Variants in TAFA4 observed in about 807,000 individuals in gnomAD.
TAFA4 encodes the protein chemokine-like protein TAFA-4.
A neutral mutation model predicts 21.1 loss-of-function variants in TAFA4; 20 were observed. The ratio of observed to expected loss-of-function variants is 0.95; its 90% CI spans 0.67 to 1.38. The LOEUF (loss-of-function observed/expected upper bound fraction) is 1.38. TAFA4 is among the 40% of genes most tolerant of loss of function. TAFA4 has a pLI of 0.00. For synonymous variants in TAFA4, 71 were observed against 67.4 expected (o/e 1.05, Z -0.26); for missense variants, 211 against 180.9 (o/e 1.17, Z -0.95).
rs2089659008 is a variant in TAFA4, at chr3:68,885,235, A to G, written c.-47T>C. On this transcript the variant is annotated 5_prime_UTR_variant, in exon 2 of 6. Transcript: ENST00000295569. The stretch of plus-strand genomic sequence containing the variant: ...ACACTTATTCCAGGATATATTTCAG[A>G]GTGACTCCAAATTCCCATCTGTTGC... 2.5e-6 allele frequency: 4 copies of G among 1,588,756 alleles called. No individual in the cohort carries two copies. In the Admixed American group the frequency reaches 6.9e-5, roughly 27 times the overall value.
chr3:68,867,248 A>G (rs1206576566), intron 3 of TAFA4, among the ~76,000 whole-genome samples: 1 of 152,100 alleles, frequency 6.6e-6, no homozygotes, highest in Non-Finnish European at 1.5e-5. Context: ...TCTCAATGGA[A>G]ACCACAGAGG....
At position 68,841,400 on chromosome 3, in the gene TAFA4, G is replaced by A. The variant is rs948767472; in HGVS notation, c.130+39330C>T. On this transcript the variant is annotated intron_variant, in intron 3 of 5. Transcript: ENST00000295569. ...TTTTAATTTGCATTAAGTCCCTGTGGTTTCACAATTGGCTGGCACTGTTCT... is the reference window on the plus strand; with the variant it reads ...TTTTAATTTGCATTAAGTCCCTGTGATTTCACAATTGGCTGGCACTGTTCT... 1.4e-4 allele frequency among the ~76,000 whole-genome samples: 21 copies of A among 151,984 alleles called. 1 individual carries two copies. Among genetic ancestry groups the A allele is most frequent in the Non-Finnish European group, 2.2e-4 (15 of 68,010 alleles).
intron 3 of TAFA4, among the ~76,000 whole-genome samples, chr3:68,794,847 A>G (rs1445424767): frequency 1.3e-5 from 2 of 152,054 alleles, no homozygotes; most frequent in Non-Finnish European, 2.9e-5. Context: ...ATGCAGAGAG[A>G]TAAGTCATAG....
chr3:68,750,098 C>T (rs770532852), intron 4 of TAFA4, among the ~76,000 whole-genome samples: 6 of 152,172 alleles, frequency 3.9e-5, no homozygotes, highest in Non-Finnish European at 5.9e-5. Flanking sequence ...ACCTGAGAGT[C>T]TGTTTGTTTT....
chr3:68,840,984 G>A (rs1704648679), intron 3 of TAFA4, among the ~76,000 whole-genome samples: 1 of 152,112 alleles, frequency 6.6e-6, no homozygotes, highest in African/African-American at 2.4e-5. Context: ...TATAATCTGT[G>A]CAAAAATCTA....
intron 3 of TAFA4, among the ~76,000 whole-genome samples, chr3:68,841,687 C>T (rs970547326): frequency 2.6e-5 from 4 of 152,124 alleles, no homozygotes; most frequent in South Asian, 4.2e-4. Flanking sequence ...CCAATACTAT[C>T]CCTCCCCTAC....
intron 3 of TAFA4, among the ~76,000 whole-genome samples, chr3:68,824,696 T>C (rs1192666110): frequency 6.6e-6 from 1 of 152,178 alleles, no homozygotes; most frequent in Non-Finnish European, 1.5e-5. Flanking sequence ...CAGCTTTATG[T>C]GACACAGAAT....
chr3:68,868,614 G>A (rs1383193563), intron 3 of TAFA4, among the ~76,000 whole-genome samples: 1 of 151,858 alleles, frequency 6.6e-6, no homozygotes. Flanking sequence ...AACTATACAA[G>A]CACATGGAAA....
Position 68,823,033 on chromosome 3 carries a change from C to T in TAFA4, c.130+57697G>A, listed in dbSNP as rs535668781. 9.9e-5 allele frequency among the ~76,000 whole-genome samples: 15 copies of T among 152,190 alleles called. No homozygotes were observed. The South Asian group carries it at 2.9e-3, about 30-fold the overall frequency. The stretch of plus-strand genomic sequence containing the variant: ...CTAACAGTCCTATTGCCCATTCAAC[C>T]CCTAATGATTTATAGAATACCAACC... On this transcript the variant is annotated intron_variant, in intron 3 of 5. Coordinates refer to ENST00000295569, the MANE Select transcript of TAFA4 (RefSeq NM_182522.5).
chr3:68,856,833 G>C lies in TAFA4; in HGVS notation c.130+23897C>G, dbSNP rs142283876. On this transcript the variant is annotated intron_variant, in intron 3 of 5. Transcript: ENST00000295569. ...ACCGCTGGAGCAGCACTGTTGTATG[G>C]AGGGGAAGGATAAAGCTTTGGAAGA... Among the ~76,000 whole-genome samples the C allele has an allele frequency of 3.1e-3, 479 of 152,222 alleles. 2 individuals are homozygous for C. Among genetic ancestry groups the C allele is most frequent in the African/African-American group, 0.011 (459 of 41,540 alleles).
chr3:68,768,729 T>A (rs11717220), intron 3 of TAFA4, among the ~76,000 whole-genome samples: 43,287 of 152,046 alleles, frequency 0.28, 7,299 homozygotes, highest in Non-Finnish European at 0.39. Flanking sequence ...TAAAATATCG[T>A]ATATATACAC....
At chr3:68,739,867 C>G (rs1033311919) in intron 4 of TAFA4, among the ~76,000 whole-genome samples, 2 of 151,994 alleles carry the variant, frequency 1.3e-5, no homozygotes, top group African/African-American at 4.8e-5. Flanking sequence ...AAATTGGAGA[C>G]TTGGAAGGGT....
At chr3:68,773,229 T>A (rs1274627556) in intron 3 of TAFA4, among the ~76,000 whole-genome samples, 1 of 152,192 alleles carries the variant, frequency 6.6e-6, no homozygotes, top group Non-Finnish European at 1.5e-5. Flanking sequence ...TCCCTCAGCT[T>A]TGATAATTCA....
At chr3:68,811,286 G>A (rs552490834) in intron 3 of TAFA4, among the ~76,000 whole-genome samples, 12 of 152,298 alleles carry the variant, frequency 7.9e-5, no homozygotes, top group Non-Finnish European at 1.8e-4. Flanking sequence ...CCAAAGGAAC[G>A]CAGCTCCTCA....
chr3:68,932,385 G>C lies in TAFA4; in HGVS notation c.-268C>G, dbSNP rs1397863684. On this transcript the variant is annotated 5_prime_UTR_variant, in exon 1 of 6. Transcript: ENST00000295569. ...CACCTCTGCAGCCTCGCCAGGAGAA[G>C]AAAAGTTCCCACGTCTCTACCAGGA... is the stretch of plus-strand genomic sequence containing the variant. 6.6e-6 allele frequency: 1 copy of C among 152,388 alleles called. No individual in the cohort carries two copies. The highest frequency in any genetic ancestry group is 2.4e-5 in the African/African-American group (1 of 41,474). 9.4% of individuals were successfully genotyped at this position (152,388 alleles called of 1,614,324 possible).
At chr3:68,875,857 A>G (rs998259783) in intron 3 of TAFA4, among the ~76,000 whole-genome samples, 3 of 151,980 alleles carry the variant, frequency 2.0e-5, no homozygotes, top group South Asian at 4.1e-4. Context: ...ATTCTTTATT[A>G]CTTGAGGTTA....
chr3:68,769,662 G>A (rs992768500), intron 3 of TAFA4, among the ~76,000 whole-genome samples: 8 of 152,150 alleles, frequency 5.3e-5, no homozygotes, highest in African/African-American at 7.2e-5. Context: ...TACATGTATC[G>A]AAACATCACA....
chr3:68,918,714 A>AT (rs780537031), intron 1 of TAFA4, among the ~76,000 whole-genome samples: 1 of 151,922 alleles, frequency 6.6e-6, no homozygotes, highest in African/African-American at 2.4e-5. Context: ...TAATTTTTGT[A>AT]TTTTTTTGTA....
At chr3:68,797,049 G>A (rs1703466154) in intron 3 of TAFA4, among the ~76,000 whole-genome samples, 1 of 152,174 alleles carries the variant, frequency 6.6e-6, no homozygotes, top group South Asian at 2.1e-4. Context: ...ACTGCTGGCA[G>A]AAATGTAAAA....
Sources: gnomAD v4.1 joint callset for allele counts (sites outside exome capture counted in the v4.1 genomes callset) on GRCh38, gnomAD v4.1.1 for gene constraint, MANE v1.5 for transcripts, NCBI Gene and HGNC (gene_info 2026-07-23, HGNC 2026-07-21) for gene names.